Variants in CAMK4 observed in about 807,000 individuals in gnomAD.
CAMK4 encodes the protein calcium/calmodulin-dependent protein kinase type IV.
In CAMK4, 22 loss-of-function variants were observed where a neutral mutation model predicts 44.9. The observed-to-expected ratio is 0.49, with a 90% confidence interval of 0.35 to 0.70. The LOEUF is 0.70. Among genes scored for constraint, CAMK4 ranks in the 30% least tolerant of loss-of-function variants. CAMK4 has a pLI of 0.01. For synonymous variants in CAMK4, 218 were observed against 215.4 expected (o/e 1.01, Z -0.11); for missense variants, 498 against 586.8 (o/e 0.85, Z 1.56).
intron 5 of CAMK4, among the ~76,000 whole-genome samples, chr5:111,412,967 A>G (rs555849985): frequency 3.3e-5 from 5 of 152,314 alleles, no homozygotes; most frequent in African/African-American, 9.6e-5. Context: ...GGACACATTG[A>G]CTATGGGGTA....
intron 7 of CAMK4, among the ~76,000 whole-genome samples, chr5:111,461,807 CTA>C (rs1754651967): frequency 7.9e-5 from 2 of 25,174 alleles, no homozygotes; most frequent in South Asian, 2.9e-3. Flanking sequence ...AAACAAGCCT[CTA>C]TAGTAAAAAA....
intron 1 of CAMK4, among the ~76,000 whole-genome samples, chr5:111,230,395 T>G (rs960380378): frequency 5.9e-5 from 9 of 152,240 alleles, no homozygotes; most frequent in African/African-American, 2.2e-4. Context: ...GCCTCCAAGC[T>G]ATACCATCCA....
At chr5:111,237,260 GC>G (rs1439663223) in intron 1 of CAMK4, among the ~76,000 whole-genome samples, 3 of 152,178 alleles carry the variant, frequency 2.0e-5, no homozygotes, top group African/African-American at 7.2e-5. Context: ...ATCTTAAAGA[GC>G]CCCCATCTCT....
Position 111,431,564 on chromosome 5 carries a change from T to C in CAMK4, c.460-15122T>C, listed in dbSNP as rs140554996. Among the ~76,000 whole-genome samples the C allele has an allele frequency of 8.3e-3, 1,269 of 152,056 alleles. 24 individuals carry two copies. The highest frequency in any genetic ancestry group is 0.03 in the African/African-American group (1,225 of 41,484). Reference sequence around the variant, plus strand: ...ACGGAAAAGGATACAGTCAAGAAAGTGAAGAGACAACCCACAGAATGGGAG... The same window carrying C: ...ACGGAAAAGGATACAGTCAAGAAAGCGAAGAGACAACCCACAGAATGGGAG... On this transcript the variant is annotated intron_variant, in intron 5 of 10. Coordinates refer to ENST00000282356, the MANE Select transcript of CAMK4 (RefSeq NM_001744.6).
chr5:111,425,269 T>C lies in CAMK4; in HGVS notation c.460-21417T>C, dbSNP rs747083938. On this transcript the variant is annotated intron_variant, in intron 5 of 10. Coordinates refer to ENST00000282356, the MANE Select transcript of CAMK4 (RefSeq NM_001744.6). ...GCCAATTGCAACTTTCATTCAATTA[T>C]TATATTTCTTCACATGTAGTTGCAC... 7.9e-4 allele frequency among the ~76,000 whole-genome samples: 121 copies of C among 152,242 alleles called. 1 individual carries two copies. The highest frequency in any genetic ancestry group is 2.8e-4 in the Non-Finnish European group (19 of 68,030).
At chr5:111,403,600 C>A (rs908354600) in intron 5 of CAMK4, among the ~76,000 whole-genome samples, 9 of 152,118 alleles carry the variant, frequency 5.9e-5, no homozygotes, top group African/African-American at 2.2e-4. Flanking sequence ...ACAAGCTGTT[C>A]TCTTAATGTT....
At chr5:111,225,682 G>T (rs1561345454) in intron 1 of CAMK4, among the ~76,000 whole-genome samples, 1 of 152,020 alleles carries the variant, frequency 6.6e-6, no homozygotes, top group African/African-American at 2.4e-5. Context: ...TCAAGTCATT[G>T]GAGGATCCAG....
At chr5:111,402,322 C>A (rs527892587) in intron 5 of CAMK4, among the ~76,000 whole-genome samples, 1 of 152,238 alleles carries the variant, frequency 6.6e-6, no homozygotes, top group South Asian at 2.1e-4. Context: ...GGATGTTATT[C>A]AAAAACAAAA....
intron 1 of CAMK4, among the ~76,000 whole-genome samples, chr5:111,286,235 A>G (rs1007168730): frequency 2.6e-5 from 4 of 152,206 alleles, no homozygotes; most frequent in East Asian, 1.9e-4. Flanking sequence ...CTTTTGAGGT[A>G]ATTCTTAGCA....
chr5:111,362,988 C>A (rs1750652827), intron 2 of CAMK4, among the ~76,000 whole-genome samples: 1 of 152,022 alleles, frequency 6.6e-6, no homozygotes, highest in African/African-American at 2.4e-5. Context: ...AATGATGGAA[C>A]ACTCAAATTA....
At chr5:111,277,606 T>G (rs1580520554) in intron 1 of CAMK4, 1 of 152,360 alleles carries the variant, frequency 6.6e-6, no homozygotes, top group South Asian at 2.1e-4. Context: ...TAGTCAATGT[T>G]ACTTTGCAAC....
At chr5:111,321,397 G>A (rs1046506459) in intron 1 of CAMK4, among the ~76,000 whole-genome samples, 8 of 152,130 alleles carry the variant, frequency 5.3e-5, no homozygotes, top group Admixed American at 5.2e-4. Context: ...AAACACATCT[G>A]TTTGCTAAAT....
rs751958964 is a variant in CAMK4 at position 111,488,410 on chromosome 5, G to A, written c.*3944G>A. On this transcript the variant is annotated 3_prime_UTR_variant, in exon 11 of 11. Coordinates refer to ENST00000282356, the MANE Select transcript of CAMK4 (RefSeq NM_001744.6). ...TACTGATTTTAGAATAATCCTCAAGGTTCTATAGTCATTTTTAGTGGAAGA... is the reference window on the plus strand; with the variant it reads ...TACTGATTTTAGAATAATCCTCAAGATTCTATAGTCATTTTTAGTGGAAGA... 3 of 152,216 alleles carry A rather than the reference G, an allele frequency of 2.0e-5. No homozygotes were observed. The highest frequency in any genetic ancestry group is 2.9e-5 in the Non-Finnish European group (2 of 67,994). 9.4% of individuals were successfully genotyped at this position (152,216 alleles called of 1,614,324 possible).
At chr5:111,374,721 A>G in intron 2 of CAMK4, 129 bp from the exon 3 acceptor site, 2 of 634,960 alleles carry the variant, frequency 3.1e-6, no homozygotes, top group Admixed American at 5.5e-5. Flanking sequence ...GGAAGGAGAC[A>G]CACAAAAGCT....
In CAMK4 at chr5:111,477,543, G is replaced by A. The variant is rs117011637; in HGVS notation, c.702-838G>A. 2.6e-4 allele frequency among the ~76,000 whole-genome samples: 39 copies of A among 151,970 alleles called. No homozygotes were observed. In the East Asian group the frequency reaches 6.8e-3, roughly 26 times the overall value. ...CCTACTGATTTTAGAACTTCCACCC[G>A]TCTGTAAACAGTGGATGCTTGGTGG... On this transcript the variant is annotated intron_variant, in intron 8 of 10. Coordinates refer to ENST00000282356, the MANE Select transcript of CAMK4 (RefSeq NM_001744.6).
chr5:111,454,792 C>T (rs999703508), intron 7 of CAMK4, among the ~76,000 whole-genome samples: 1 of 151,978 alleles, frequency 6.6e-6, no homozygotes, highest in African/African-American at 2.4e-5. Flanking sequence ...CAAACCCACC[C>T]ACGCCAATCC....
chr5:111,296,138 TCAGTATCC>T (rs1747474316), intron 1 of CAMK4, among the ~76,000 whole-genome samples: 1 of 152,216 alleles, frequency 6.6e-6, no homozygotes, highest in South Asian at 2.1e-4. Flanking sequence ...TATCACCCTC[TCAGTATCC>T]CACCTCCACC....
intron 1 of CAMK4, among the ~76,000 whole-genome samples, chr5:111,293,727 C>G (rs1375317752): frequency 7.1e-6 from 1 of 140,984 alleles, no homozygotes; most frequent in African/African-American, 2.7e-5. Flanking sequence ...GCCATCACGC[C>G]TGGCTGCTGC....
intron 1 of CAMK4, among the ~76,000 whole-genome samples, chr5:111,335,846 A>G (rs751656856): frequency 4.0e-5 from 6 of 151,412 alleles, no homozygotes; most frequent in Non-Finnish European, 7.4e-5. Flanking sequence ...TATTTCAGTT[A>G]TAATGTACAA....
Sources: gnomAD v4.1 joint callset for allele counts (sites outside exome capture counted in the v4.1 genomes callset) on GRCh38, gnomAD v4.1.1 for gene constraint, MANE v1.5 for transcripts, NCBI Gene and HGNC (gene_info 2026-07-23, HGNC 2026-07-21) for gene names.